The following ANO2 variants were observed in gnomAD, a reference collection of about 807,000 sequenced individuals.
ANO2 encodes anoctamin 2.
A neutral mutation model predicts 124.2 loss-of-function variants in ANO2; 101 were observed. The observed-to-expected ratio is 0.81, with a 90% CI of 0.69 to 0.96. ANO2 has a LOEUF of 0.96. Ranked by LOEUF, ANO2 falls within the 40% of genes least tolerant of loss-of-function variation. The pLI is 0.00. For synonymous variants in ANO2, 486 were observed against 482.5 expected (o/e 1.01, Z -0.09); for missense variants, 1,293 against 1,274.5 (o/e 1.01, Z -0.22).
intron 11 of ANO2, 49 bp from the exon 12 acceptor site, chr12:5,744,366 A>C: frequency 6.2e-7 from 1 of 1,600,290 alleles, no homozygotes; most frequent in South Asian, 1.1e-5. Context: ...AGCATGGTCC[A>C]CTCCAAGAAA....
intron 16 of ANO2, among the ~76,000 whole-genome samples, chr12:5,621,462 C>T (rs536665750): frequency 2.6e-5 from 4 of 152,238 alleles, no homozygotes; most frequent in South Asian, 2.1e-4. Context: ...TCAAACTCAC[C>T]GACCTAACAT....
chr12:5,805,132 T>C (rs897975840), intron 9 of ANO2, among the ~76,000 whole-genome samples: 9 of 152,164 alleles, frequency 5.9e-5, no homozygotes, highest in Admixed American at 4.6e-4. Flanking sequence ...GGGACATGTG[T>C]AAGCAATCAC....
intron 7 of ANO2, among the ~76,000 whole-genome samples, chr12:5,822,046 A>G (rs1289487335): frequency 6.6e-6 from 1 of 152,198 alleles, no homozygotes; most frequent in African/African-American, 2.4e-5. Context: ...GCACCACCCA[A>G]AAGTGGACAG....
At chr12:5,777,229 C>T (rs1252491911) in intron 10 of ANO2, among the ~76,000 whole-genome samples, 1 of 152,172 alleles carries the variant, frequency 6.6e-6, no homozygotes, top group Non-Finnish European at 1.5e-5. Flanking sequence ...CAAGAGTTGT[C>T]AGCATTACAG....
rs1446261077 is a variant in ANO2 at position 5,612,713 on chromosome 12, C to T, written c.2030G>A (p.Ser677Asn). 3.1e-6 allele frequency: 5 copies of T among 1,613,810 alleles called. No individual in the cohort carries two copies. In the South Asian group the frequency reaches 5.5e-5, roughly 18 times the overall value. ...GCLMELCIQL[S>N]IIMLGKQLIQ... is the part of the protein sequence containing the mutation. ...CAACTGCTTCCCCAACATGATGATG[C>T]TGAGCTGAATGCAGAGCTCCATGAG... Residue 677 changes from serine to asparagine, a missense_variant, in exon 19 of 25, where the codon AGC (serine) becomes AAC (asparagine). Ser to Asn is a conservative substitution (Grantham distance 46). Transcript: ENST00000682330.
At chr12:5,798,245 G>A (rs1258209249) in intron 10 of ANO2, among the ~76,000 whole-genome samples, 6 of 151,840 alleles carry the variant, frequency 4.0e-5, no homozygotes, top group Non-Finnish European at 7.4e-5. Context: ...CGGGAGACAG[G>A]GTGAAGGCAC....
intron 3 of ANO2, among the ~76,000 whole-genome samples, chr12:5,920,501 A>G (rs1442669966): frequency 6.6e-6 from 1 of 152,078 alleles, no homozygotes; most frequent in African/African-American, 2.4e-5. Flanking sequence ...CCCCACCACT[A>G]CTACCTGGAA....
At chr12:5,576,060 A>G in intron 22 of ANO2, 45 bp from the exon 23 acceptor site, 1 of 1,527,622 alleles carries the variant, frequency 6.5e-7, no homozygotes, top group Non-Finnish European at 8.8e-7. Context: ...GATTGATGCT[A>G]AAAAGGACTG....
In ANO2 at chr12:5,732,562, A is replaced by G. The variant is rs78897473; in HGVS notation, c.1503T>C (p.Ala501=). The change falls in exon 14 of 25, where the codon GCT becomes GCC. Residue 501 remains alanine (A), a synonymous_variant. Coordinates refer to ENST00000682330, the MANE Select transcript of ANO2 (RefSeq NM_001364791.2). ...TCGTGTTTGTTTCCAATTTCTGGAC[A>G]GCAGACTGGTTGCTCTCCTTTAGCA... ...EKMLKESNQS[A]VQKLETNTTE... is the part of the protein sequence containing the mutation. 5 of 1,613,852 alleles carry G rather than the reference A, an allele frequency of 3.1e-6. No individual in the cohort carries two copies. The African/African-American group carries it at 5.3e-5, about 17-fold the overall frequency.
chr12:5,720,176 A>T (rs1020757545), intron 14 of ANO2, among the ~76,000 whole-genome samples: 1 of 152,024 alleles, frequency 6.6e-6, no homozygotes, highest in African/African-American at 2.4e-5. Flanking sequence ...GGTTTTTGCA[A>T]CCTCTAGCTG....
At chr12:5,824,225 C>A (rs1953891618) in intron 7 of ANO2, among the ~76,000 whole-genome samples, 2 of 152,196 alleles carry the variant, frequency 1.3e-5, no homozygotes, top group African/African-American at 4.8e-5. Context: ...GCTTGAATTT[C>A]TCCCCAGAAA....
intron 13 of ANO2, among the ~76,000 whole-genome samples, chr12:5,733,736 C>G (rs1950741074): frequency 1.3e-5 from 2 of 152,232 alleles, no homozygotes; most frequent in Non-Finnish European, 2.9e-5. Context: ...TCTATCCTCA[C>G]CCATTCTCCG....
intron 3 of ANO2, among the ~76,000 whole-genome samples, chr12:5,894,327 G>A (rs144517833): frequency 0.075 from 11,467 of 152,040 alleles, 846 homozygotes; most frequent in African/African-American, 0.19. Flanking sequence ...CCCACTTTTT[G>A]ATGGGGTTGT....
intron 14 of ANO2, among the ~76,000 whole-genome samples, chr12:5,686,362 T>C (rs976075677): frequency 6.6e-6 from 1 of 152,178 alleles, no homozygotes; most frequent in African/African-American, 2.4e-5. Context: ...AACCTCAGTG[T>C]ATAAAATTCC....
intron 4 of ANO2, among the ~76,000 whole-genome samples, chr12:5,837,213 G>A (rs1394855432): frequency 9.8e-6 from 1 of 102,496 alleles, no homozygotes; most frequent in Non-Finnish European, 2.3e-5. Context: ...CATCCACGGG[G>A]CCAGGAGTGC....
At chr12:5,625,191 G>GT in intron 16 of ANO2, among the ~76,000 whole-genome samples, 1 of 152,292 alleles carries the variant, frequency 6.6e-6, no homozygotes, top group East Asian at 1.9e-4. Context: ...AGTGAATGGT[G>GT]TGGGGGGGAG....
At chr12:5,642,736 C>T (rs1946445229) in intron 15 of ANO2, among the ~76,000 whole-genome samples, 1 of 152,142 alleles carries the variant, frequency 6.6e-6, no homozygotes, top group African/African-American at 2.4e-5. Context: ...ACTGTGGTCT[C>T]CAGGGCCCTA....
intron 20 of ANO2, among the ~76,000 whole-genome samples, chr12:5,590,910 A>G (rs894378804): frequency 1.3e-5 from 2 of 152,174 alleles, no homozygotes; most frequent in Non-Finnish European, 2.9e-5. Flanking sequence ...CTAGCGGCCG[A>G]GCGTGGTGGC....
rs534818130 is a variant in ANO2, at chr12:5,908,405, C to T, written c.534+12635G>A. On this transcript the variant is annotated intron_variant, in intron 3 of 24. Transcript: ENST00000682330. The surrounding 1 kb of genome is among the most constrained non-coding windows in gnomAD (Gnocchi z 4.7). Reference sequence around the variant, plus strand: ...AGAATAATCAATTCCTGAGTGGAAACTCAACAAGGCAGTAATACGAACACC... The same window carrying T: ...AGAATAATCAATTCCTGAGTGGAAATTCAACAAGGCAGTAATACGAACACC... Among the ~76,000 whole-genome samples the T allele has an allele frequency of 6.6e-6, 1 of 152,034 alleles. No individual in the cohort carries two copies. The highest frequency in any genetic ancestry group is 1.9e-4 in the East Asian group (1 of 5,178).
Sources: allele counts gnomAD v4.1 joint callset (sites outside exome capture counted in the v4.1 genomes callset), GRCh38; gene constraint gnomAD v4.1.1; non-coding constraint Gnocchi (gnomAD v3.1); transcripts MANE v1.5; gene names NCBI Gene and HGNC (gene_info 2026-07-23, HGNC 2026-07-21).